Variants in GUCY1B1 observed in about 807,000 individuals in gnomAD.
The protein encoded by GUCY1B1 is guanylate cyclase soluble subunit beta-1.
Under a neutral mutation model 71.0 loss-of-function variants are expected in GUCY1B1, and 43 were observed. The observed-to-expected ratio is 0.61, with a 90% CI of 0.47 to 0.78. The LOEUF (loss-of-function observed/expected upper bound fraction) is 0.78, where lower values mean the gene tolerates loss of function less well. Among genes scored for constraint, GUCY1B1 ranks in the 30% least tolerant of loss-of-function variants. The pLI is 0.00. For synonymous variants in GUCY1B1, 266 were observed against 259.7 expected, an observed-to-expected ratio of 1.02 and a Z score of -0.23; for missense variants, 535 against 754.1, an observed-to-expected ratio of 0.71 and a Z score of 3.40.
At chr4:155,770,821 C>T (rs1737646986) in intron 2 of GUCY1B1, among the ~76,000 whole-genome samples, 1 of 152,154 alleles carries the variant, frequency 6.6e-6, no homozygotes, top group Admixed American at 6.5e-5. Flanking sequence ...ATATTATCCT[C>T]ATATGTATAC....
At chr4:155,765,069 C>T (rs1224136924) in intron 2 of GUCY1B1, among the ~76,000 whole-genome samples, 4 of 151,918 alleles carry the variant, frequency 2.6e-5, no homozygotes, top group Non-Finnish European at 4.4e-5. Flanking sequence ...CTTAATTTGG[C>T]GTGTCGGAAG....
At position 155,806,565 on chromosome 4, in the gene GUCY1B1, C is replaced by T. The variant is rs955612213; in HGVS notation, c.*156C>T. The T allele has an allele frequency of 5.4e-6, 3 of 555,222 alleles. No homozygotes were observed. Among genetic ancestry groups the T allele is most frequent in the South Asian group, 5.8e-5 (2 of 34,670 alleles). 34.4% of individuals were successfully genotyped at this position (555,222 alleles called of 1,614,324 possible). ...TCTTCTAGATATATCTCTCACTATCCGTTATTCAACCTTAGCTCTGCTTTC... is the reference window on the plus strand; with the variant it reads ...TCTTCTAGATATATCTCTCACTATCTGTTATTCAACCTTAGCTCTGCTTTC... On this transcript the variant is annotated 3_prime_UTR_variant, in exon 14 of 14. Coordinates refer to ENST00000264424, the MANE Select transcript of GUCY1B1 (RefSeq NM_000857.5).
At chr4:155,791,367 G>A (rs1224411083) in intron 5 of GUCY1B1, among the ~76,000 whole-genome samples, 9 of 149,698 alleles carry the variant, frequency 6.0e-5, no homozygotes, top group African/African-American at 1.5e-4. Flanking sequence ...CGCCCGGCTC[G>A]GCCTTCCAAA....
rs191442767 is a variant in GUCY1B1 at position 155,778,613 on chromosome 4, A to T, written c.297+971A>T. 1.5e-3 allele frequency among the ~76,000 whole-genome samples: 233 copies of T among 152,354 alleles called. 1 individual carries two copies. The highest frequency in any genetic ancestry group is 2.8e-3 in the Admixed American group (43 of 15,300). On this transcript the variant is annotated intron_variant, in intron 4 of 13. Coordinates refer to ENST00000264424, the MANE Select transcript of GUCY1B1 (RefSeq NM_000857.5). Reference sequence around the variant, plus strand: ...TTACATAGTGACATTTTTCTTATAAACTTAAAACAGCATTAAATCAAGTTG... The same window carrying T: ...TTACATAGTGACATTTTTCTTATAATCTTAAAACAGCATTAAATCAAGTTG...
At chr4:155,785,858 G>A (rs1056713176) in intron 4 of GUCY1B1, among the ~76,000 whole-genome samples, 74 of 152,226 alleles carry the variant, frequency 4.9e-4, no homozygotes, top group Non-Finnish European at 7.9e-4. Flanking sequence ...ATTCAGGAGA[G>A]CACTTTACTT....
Position 155,805,092 on chromosome 4 carries a change from T to G in GUCY1B1, c.1710-11T>G. 6.2e-7 allele frequency: 1 copy of G among 1,609,356 alleles called. No homozygotes were observed. The highest frequency in any genetic ancestry group is 8.5e-7 in the Non-Finnish European group (1 of 1,176,500). On this transcript the variant is annotated splice_polypyrimidine_tract_variant and intron_variant, in intron 12 of 13. Transcript: ENST00000264424. The stretch of plus-strand genomic sequence containing the variant: ...TACTTCTCTCTCTACTCCCCTTCCC[T>G]TGTCTTTTAGATGTCTTATGTCTCC...
chr4:155,798,858 G>A (rs887107356), intron 8 of GUCY1B1, among the ~76,000 whole-genome samples: 6 of 149,390 alleles, frequency 4.0e-5, no homozygotes, highest in African/African-American at 1.5e-4. Flanking sequence ...TGTTGTTTGA[G>A]ATGGAGTCTC....
intron 2 of GUCY1B1, among the ~76,000 whole-genome samples, chr4:155,772,923 T>C (rs1172475332): frequency 1.3e-5 from 2 of 152,224 alleles, no homozygotes; most frequent in Admixed American, 6.5e-5. Context: ...TACTAAGGTA[T>C]GGATGTAAGA....
At chr4:155,781,382 C>T (rs1344703769) in intron 4 of GUCY1B1, among the ~76,000 whole-genome samples, 1 of 152,132 alleles carries the variant, frequency 6.6e-6, no homozygotes, top group Non-Finnish European at 1.5e-5. Context: ...TCACAGTTGA[C>T]TTAACGAATA....
chr4:155,793,431 T>C (rs28729109), intron 5 of GUCY1B1, among the ~76,000 whole-genome samples: 2,183 of 152,342 alleles, frequency 0.014, 54 homozygotes, highest in African/African-American at 0.05. Context: ...ACATTGCATT[T>C]ATTTTTGAAT....
At chr4:155,759,940 C>A in intron 2 of GUCY1B1, 80 bp downstream of exon 2, 2 of 1,041,988 alleles carry the variant, frequency 1.9e-6, no homozygotes, top group Non-Finnish European at 1.5e-6. Flanking sequence ...TGGTCCTCAG[C>A]CTGCTGGCCG....
chr4:155,760,819 C>T lies in GUCY1B1; in HGVS notation c.77+959C>T, dbSNP rs1268607742. Among the ~76,000 whole-genome samples the T allele has an allele frequency of 2.0e-5, 3 of 152,166 alleles. No individual in the cohort carries two copies. In the East Asian group the frequency reaches 5.8e-4, roughly 29 times the overall value. The stretch of plus-strand genomic sequence containing the variant: ...TCCTGGGTGGGCAGATGGGAATACA[C>T]TGTTATTATTCACTCTGATTTCCTG... On this transcript the variant is annotated intron_variant, in intron 2 of 13. Coordinates refer to ENST00000264424, the MANE Select transcript of GUCY1B1 (RefSeq NM_000857.5).
chr4:155,798,043 A>G (rs936391144), intron 8 of GUCY1B1, among the ~76,000 whole-genome samples: 5 of 152,058 alleles, frequency 3.3e-5, no homozygotes, highest in African/African-American at 9.7e-5. Flanking sequence ...ATTAGGGGCA[A>G]TTTCTATTTA....
At chr4:155,769,035 T>A (rs1163806319) in intron 2 of GUCY1B1, among the ~76,000 whole-genome samples, 1 of 152,164 alleles carries the variant, frequency 6.6e-6, no homozygotes, top group Non-Finnish European at 1.5e-5. Context: ...CCACTTGCCA[T>A]TTCCTCTTTC....
chr4:155,799,095 C>A (rs1474511224), intron 8 of GUCY1B1, among the ~76,000 whole-genome samples: 1 of 152,132 alleles, frequency 6.6e-6, no homozygotes, highest in Non-Finnish European at 1.5e-5. Flanking sequence ...CCTCGCCTCC[C>A]AAAGTCCTAG....
At chr4:155,806,095 C>T (rs1328076336) in intron 13 of GUCY1B1, among the ~76,000 whole-genome samples, 1 of 152,096 alleles carries the variant, frequency 6.6e-6, no homozygotes, top group Non-Finnish European at 1.5e-5. Flanking sequence ...GAATAGAATG[C>T]CAGGGTTTGA....
chr4:155,796,580 A>G (rs1739573124), intron 8 of GUCY1B1, 70 bp downstream of exon 8: 3 of 980,994 alleles, frequency 3.1e-6, no homozygotes, highest in African/African-American at 3.3e-5. Context: ...ATGCCACAAT[A>G]TTTTATTCCA....
At chr4:155,804,795 C>A (rs1169727996) in intron 12 of GUCY1B1, 48 bp downstream of exon 12, 8 of 1,506,152 alleles carry the variant, frequency 5.3e-6, no homozygotes, top group Non-Finnish European at 7.3e-6. Flanking sequence ...GAAAATGTGT[C>A]TTTGCATGTG....
intron 2 of GUCY1B1, among the ~76,000 whole-genome samples, chr4:155,765,860 C>A (rs1291572705): frequency 6.6e-6 from 1 of 152,160 alleles, no homozygotes; most frequent in Admixed American, 6.5e-5. Context: ...TCCCAACCCT[C>A]CTGTAAATGT....
Sources: gnomAD v4.1 joint callset for allele counts (sites outside exome capture counted in the v4.1 genomes callset) on GRCh38, gnomAD v4.1.1 for gene constraint, MANE v1.5 for transcripts, NCBI Gene and HGNC (gene_info 2026-07-23, HGNC 2026-07-21) for gene names.